Variants in OPHN1 observed in about 807,000 individuals in gnomAD.
The protein encoded by OPHN1 is oligophrenin-1.
In OPHN1, 11 loss-of-function variants were observed where a neutral mutation model predicts 60.7. That is an observed-to-expected ratio of 0.18 (90% CI 0.11 to 0.30). The LOEUF is 0.30. Ranked by LOEUF, OPHN1 falls within the 10% of genes least tolerant of loss-of-function variation. The probability of loss-of-function intolerance (pLI) is 1.00; values close to 1 mark genes in which losing one functional copy is unlikely to be tolerated. For synonymous variants in OPHN1, 226 were observed against 222.6 expected, an observed-to-expected ratio of 1.02 and a Z score of -0.14; for missense variants, 449 against 611.0, an observed-to-expected ratio of 0.73 and a Z score of 2.80.
chrX:68,388,441 T>G (rs185931441), intron 2 of OPHN1, among the ~76,000 whole-genome samples: 1 of 101,440 alleles, frequency 9.9e-6, no homozygotes, highest in African/African-American at 3.6e-5. Flanking sequence ...GACTGGGTGA[T>G]AGAGGGAGAC....
At chrX:68,161,364 C>A (rs1021019535) in intron 15 of OPHN1, among the ~76,000 whole-genome samples, 3 of 110,651 alleles carry the variant, frequency 2.7e-5, no homozygotes, top group African/African-American at 9.8e-5. Context: ...GCCGATATTA[C>A]CCTAATACCA....
chrX:68,210,512 A>G (rs1351461346), intron 8 of OPHN1, among the ~76,000 whole-genome samples: 1 of 111,906 alleles, frequency 8.9e-6, no homozygotes, highest in Non-Finnish European at 1.9e-5. Flanking sequence ...CTCATAAAAT[A>G]ACAACTGGGA....
Position 68,194,504 on chromosome X carries a change from A to G in OPHN1, c.1105-6T>C, listed in dbSNP as rs1162123465. Reference sequence around the variant, plus strand: ...GTTATAGGGCTGTGGTAGATCTACAAAAGAAGATAAACAGAAAGATCCATG... The same window carrying G: ...GTTATAGGGCTGTGGTAGATCTACAGAAGAAGATAAACAGAAAGATCCATG... On this transcript the variant is annotated splice_polypyrimidine_tract_variant and splice_region_variant and intron_variant, in intron 12 of 24. Coordinates refer to ENST00000355520, the MANE Select transcript of OPHN1 (RefSeq NM_002547.3). 14 of 1,196,224 alleles carry G rather than the reference A, an allele frequency of 1.2e-5. No individual in the cohort carries two copies. Among genetic ancestry groups the G allele is most frequent in the Non-Finnish European group, 1.6e-5 (14 of 881,801 alleles).
chrX:68,227,152 G>C (rs1250238586), intron 6 of OPHN1, among the ~76,000 whole-genome samples: 2 of 111,489 alleles, frequency 1.8e-5, no homozygotes, highest in East Asian at 5.6e-4. Flanking sequence ...GATCAAAAGA[G>C]ACAAAGAAGG....
At chrX:68,210,326 A>G in intron 8 of OPHN1, 44 bp from the exon 9 acceptor site, 1 of 1,170,405 alleles carries the variant, frequency 8.5e-7, no homozygotes, top group Non-Finnish European at 1.2e-6. Context: ...CATCATCATT[A>G]TCATGAAAAA....
chrX:68,097,044 G>A lies in OPHN1; in HGVS notation c.1527-15C>T, dbSNP rs1364582129. 5.8e-6 allele frequency: 7 copies of A among 1,197,944 alleles called. No individual in the cohort carries two copies. Among genetic ancestry groups the A allele is most frequent in the Non-Finnish European group, 7.9e-6 (7 of 889,092 alleles). On this transcript the variant is annotated splice_polypyrimidine_tract_variant and intron_variant, in intron 18 of 24. Transcript: ENST00000355520. ...GCTCACACACACTGCCAGAAGAAAA[G>A]GGGCAAGATTAACAAAATTTGCTCC...
chrX:68,109,180 C>T (rs1338377359), intron 18 of OPHN1, among the ~76,000 whole-genome samples: 1 of 111,094 alleles, frequency 9.0e-6, no homozygotes, highest in Non-Finnish European at 1.9e-5. Flanking sequence ...TCTCATACCC[C>T]CACTTCCCAG....
chrX:68,404,172 T>TC (rs1162879730), intron 2 of OPHN1, among the ~76,000 whole-genome samples: 1 of 108,603 alleles, frequency 9.2e-6, no homozygotes, highest in Non-Finnish European at 1.9e-5. Context: ...AACTTTTTTT[T>TC]TTTTTTGAGA....
rs750888298 is a variant in OPHN1, at chrX:68,201,580, C to T, written c.1025+39G>A. ...AGACCTACCCAGGCTAAGCATCTGGCACGTGGGGACATTGCCAATTCACAG... is the reference window on the plus strand; with the variant it reads ...AGACCTACCCAGGCTAAGCATCTGGTACGTGGGGACATTGCCAATTCACAG... On this transcript the variant is annotated intron_variant, in intron 11 of 24. Coordinates refer to ENST00000355520, the MANE Select transcript of OPHN1 (RefSeq NM_002547.3). The T allele has an allele frequency of 4.6e-6, 5 of 1,092,931 alleles. No individual in the cohort carries two copies. The South Asian group carries it at 9.2e-5, about 20-fold the overall frequency. The allele number at this position is 1,092,931 out of a possible 1,213,427, so 90.1% of individuals were successfully genotyped here.
chrX:68,314,042 T>C (rs2078186552), intron 2 of OPHN1, among the ~76,000 whole-genome samples: 1 of 111,039 alleles, frequency 9.0e-6, no homozygotes, highest in South Asian at 3.8e-4. Flanking sequence ...AGGACATTAC[T>C]ACCAATTTTA....
intron 2 of OPHN1, among the ~76,000 whole-genome samples, chrX:68,313,318 G>T (rs924179392): frequency 9.0e-6 from 1 of 110,759 alleles, no homozygotes; most frequent in Non-Finnish European, 1.9e-5. Context: ...CCCACTGCTA[G>T]GTATATACCC....
intron 2 of OPHN1, among the ~76,000 whole-genome samples, chrX:68,410,922 T>A (rs748986706): frequency 8.9e-6 from 1 of 111,839 alleles, no homozygotes; most frequent in African/African-American, 3.3e-5. Flanking sequence ...ATGCACATAA[T>A]GTAATATTAT....
At position 68,042,401 on chromosome X, in the gene OPHN1, C is replaced by T. The variant is rs1408491308; in HGVS notation, c.*4771G>A. On this transcript the variant is annotated 3_prime_UTR_variant, in exon 25 of 25. Transcript: ENST00000355520. ...GTCACATGAATGAGCCCCAGGATCT[C>T]GTTTGTTTTATTATTTGGATATAGC... The T allele has an allele frequency of 9.0e-6, 1 of 111,109 alleles. No individual in the cohort carries two copies. Among genetic ancestry groups the T allele is most frequent in the Non-Finnish European group, 1.9e-5 (1 of 53,018 alleles). The allele number at this position is 111,109 out of a possible 1,213,427, so 9.2% of individuals were successfully genotyped here. A position where few individuals can be genotyped will look rare whatever the true frequency, so the allele number is the denominator to read the frequency against.
chrX:68,119,428 G>T, intron 15 of OPHN1, 96 bp from the exon 16 acceptor site: 1 of 620,571 alleles, frequency 1.6e-6, no homozygotes, highest in Non-Finnish European at 2.6e-6. Context: ...ATTACCCTAA[G>T]TAGTTTTTAA....
At chrX:68,098,958 T>A (rs2077047885) in intron 18 of OPHN1, among the ~76,000 whole-genome samples, 1 of 111,235 alleles carries the variant, frequency 9.0e-6, no homozygotes, top group East Asian at 2.9e-4. Context: ...AAGCCCATAT[T>A]TGTTGCTCCC....
At chrX:68,417,075 ATATT>A (rs200001381) in intron 2 of OPHN1, among the ~76,000 whole-genome samples, 3,979 of 101,337 alleles carry the variant, frequency 0.039, 243 homozygotes, top group African/African-American at 0.13. Context: ...ATTCCTTTTT[ATATT>A]TATTTATTTA....
At chrX:68,266,967 A>G (rs755105841) in intron 5 of OPHN1, among the ~76,000 whole-genome samples, 4 of 112,111 alleles carry the variant, frequency 3.6e-5, no homozygotes, top group Admixed American at 2.8e-4. Flanking sequence ...CAATTTAACA[A>G]GAAGAGCTAA....
intron 2 of OPHN1, among the ~76,000 whole-genome samples, chrX:68,317,376 A>AAAGAAAGAAAGAAAGGAAGGAAGG (rs1555970490): frequency 3.8e-4 from 19 of 50,564 alleles, no homozygotes; most frequent in African/African-American, 7.5e-4. Context: ...AGAAAGAAAG[A>AAAGAAAGAAAGAAAGGAAGGAAGG]AAGGAAGGAA....
intron 2 of OPHN1, among the ~76,000 whole-genome samples, chrX:68,353,110 C>T (rs1015260677): frequency 1.0e-4 from 11 of 109,378 alleles, no homozygotes; most frequent in African/African-American, 2.0e-4. Context: ...CATGAACGCA[C>T]GTACCCCTGG....
Sources: allele counts gnomAD v4.1 joint callset (sites outside exome capture counted in the v4.1 genomes callset), GRCh38; gene constraint gnomAD v4.1.1; transcripts MANE v1.5; gene names NCBI Gene and HGNC (gene_info 2026-07-23, HGNC 2026-07-21).